Variants in ATOSB observed in about 807,000 individuals in gnomAD.
ATOSB encodes atos homolog protein B.
the ATOSB span, chr9:35,108,034 T>C: frequency 6.5e-7 from 1 of 1,541,934 alleles, no homozygotes; most frequent in East Asian, 2.3e-5. Context: ...CCAGGGCCTC[T>C]CTTCAGCTCC....
chr9:35,115,839 G>C, the ATOSB span: 1 of 152,192 alleles, frequency 6.6e-6, no homozygotes, highest in Admixed American at 6.6e-5. Context: ...ACTTGGGGAC[G>C]TGGTAGTGGT....
At chr9:35,108,310 G>A in the ATOSB span, 7 of 1,510,704 alleles carry the variant, frequency 4.6e-6, no homozygotes, top group Middle Eastern at 1.7e-4. Flanking sequence ...CCCCCAACAC[G>A]GCCTTTATGC....
chr9:35,106,587 G>A, the ATOSB span: 1 of 1,569,212 alleles, frequency 6.4e-7, no homozygotes, highest in East Asian at 2.3e-5. This position sits in a 1 kb window ranked among gnomAD's most constrained non-coding sequence, Gnocchi z 4.6. Flanking sequence ...AGGAACAGGG[G>A]AGGCACTGGG....
At chr9:35,104,559 C>G in the ATOSB span, 1 of 351,502 alleles carries the variant, frequency 2.8e-6, no homozygotes, top group Non-Finnish European at 6.1e-6. Flanking sequence ...CTCACACACA[C>G]ATACCACACA....
At chr9:35,107,571 G>T in the ATOSB span, 47 of 1,589,666 alleles carry the variant, frequency 3.0e-5, no homozygotes, top group Non-Finnish European at 3.8e-5. Flanking sequence ...GCAGGGGCCT[G>T]GGGGTCCAGG....
At chr9:35,110,783 G>C in the ATOSB span, 4 of 152,274 alleles carry the variant, frequency 2.6e-5, no homozygotes, top group African/African-American at 9.7e-5. Context: ...GTGGGTATTG[G>C]TATAGGTATC....
the ATOSB span, among the ~76,000 whole-genome samples, chr9:35,111,906 A>T: frequency 6.6e-6 from 1 of 151,116 alleles, no homozygotes; most frequent in South Asian, 2.1e-4. Flanking sequence ...CCTCCGCCCT[A>T]CTCCCCCGCC....
chr9:35,105,363 G>A, the ATOSB span: 5 of 1,611,886 alleles, frequency 3.1e-6, no homozygotes, highest in Non-Finnish European at 4.2e-6. This position sits in a 1 kb window ranked among gnomAD's most constrained non-coding sequence, Gnocchi z 5.5. Context: ...GCCTGAGCGG[G>A]AGCTCCGGAA....
At chr9:35,106,347 C>T in the ATOSB span, 1 of 1,614,166 alleles carries the variant, frequency 6.2e-7, no homozygotes, top group Non-Finnish European at 8.5e-7. The surrounding 1 kb of genome is among the most constrained non-coding windows in gnomAD (Gnocchi z 4.6). Context: ...CCACTAGCTC[C>T]AATTTCTGCT....
At chr9:35,106,853 T>G in the ATOSB span, 2 of 1,572,670 alleles carry the variant, frequency 1.3e-6, no homozygotes, top group Non-Finnish European at 1.7e-6. The surrounding 1 kb of genome is among the most constrained non-coding windows in gnomAD (Gnocchi z 4.6). Flanking sequence ...GACGGGCTCC[T>G]TTCAGCCTCC....
the ATOSB span, chr9:35,112,306 C>CCTGTTCCATCCCTT: frequency 6.6e-6 from 1 of 152,014 alleles, no homozygotes; most frequent in Non-Finnish European, 1.5e-5. Flanking sequence ...CTGAGATCAG[C>CCTGTTCCATCCCTT]CTGCCAGCAC....
At chr9:35,106,115 A>G in the ATOSB span, 1 of 1,504,930 alleles carries the variant, frequency 6.6e-7, no homozygotes, top group Non-Finnish European at 9.1e-7. This position sits in a 1 kb window ranked among gnomAD's most constrained non-coding sequence, Gnocchi z 4.6. Flanking sequence ...CCCCTGCCCT[A>G]CAGTAGAGTT....
the ATOSB span, chr9:35,105,791 G>A: frequency 6.2e-7 from 1 of 1,614,144 alleles, no homozygotes; most frequent in Non-Finnish European, 8.5e-7. This position sits in a 1 kb window ranked among gnomAD's most constrained non-coding sequence, Gnocchi z 5.5. Flanking sequence ...TGGGCAGCAG[G>A]CATGTCCGAG....
At chr9:35,106,743 C>T in the ATOSB span, 1 of 1,495,546 alleles carries the variant, frequency 6.7e-7, no homozygotes, top group South Asian at 1.2e-5. The surrounding 1 kb of genome is among the most constrained non-coding windows in gnomAD (Gnocchi z 4.6). Flanking sequence ...AGGGCTTCTG[C>T]CCTGGGGTCC....
the ATOSB span, chr9:35,106,671 T>A: frequency 5.2e-5 from 79 of 1,522,014 alleles, no homozygotes; most frequent in African/African-American, 6.9e-5. The surrounding 1 kb of genome is among the most constrained non-coding windows in gnomAD (Gnocchi z 4.6). Context: ...ACACAGGGGG[T>A]TGGCTTGAGG....
chr9:35,116,048 A>C, the ATOSB span, among the ~76,000 whole-genome samples: 3 of 135,480 alleles, frequency 2.2e-5, no homozygotes, highest in Non-Finnish European at 3.2e-5. Context: ...CTGACCTCGC[A>C]CCTCCTTCGC....
the ATOSB span, among the ~76,000 whole-genome samples, chr9:35,115,105 G>A: frequency 1.3e-5 from 2 of 151,994 alleles, no homozygotes; most frequent in Admixed American, 1.3e-4. Context: ...CTAGGATGGG[G>A]GGTTGACAGG....
chr9:35,105,041 G>C, the ATOSB span: 3 of 617,396 alleles, frequency 4.9e-6, no homozygotes, highest in African/African-American at 1.9e-5. This position sits in a 1 kb window ranked among gnomAD's most constrained non-coding sequence, Gnocchi z 5.5. Flanking sequence ...AGTACCCGAA[G>C]TAGGGCAGGG....
chr9:35,107,493 G>A, the ATOSB span: 10 of 1,607,270 alleles, frequency 6.2e-6, no homozygotes, highest in Non-Finnish European at 8.5e-6. Context: ...CCTCCGAGGG[G>A]CTGGCCCCTC....
Sources: gnomAD v4.1 joint callset for allele counts (sites outside exome capture counted in the v4.1 genomes callset) on GRCh38, gnomAD v4.1.1 for gene constraint, Gnocchi (gnomAD v3.1) non-coding constraint, MANE v1.5 for transcripts, NCBI Gene and HGNC (gene_info 2026-07-23, HGNC 2026-07-21) for gene names.